TMPRSS11E: variants seen among roughly 807,000 people sequenced by gnomAD.
TMPRSS11E encodes the protein transmembrane serine protease 11E.
Under a neutral mutation model 48.1 loss-of-function variants are expected in TMPRSS11E, and 38 were observed. The observed-to-expected ratio is 0.79, with a 90% CI of 0.61 to 1.04. The LOEUF (loss-of-function observed/expected upper bound fraction) is 1.04. Ranked by LOEUF, TMPRSS11E falls within the 50% of genes least tolerant of loss-of-function variation. The probability of loss-of-function intolerance (pLI) is 0.00; values close to 1 mark genes in which losing one functional copy is unlikely to be tolerated. For missense variants in TMPRSS11E, 530 were observed against 510.8 expected (o/e 1.04, Z -0.36); for synonymous variants, 158 against 171.9 (o/e 0.92, Z 0.63).
At chr4:68,492,785 A>G (rs1729766038) in intron 9 of TMPRSS11E, among the ~76,000 whole-genome samples, 1 of 152,198 alleles carries the variant, frequency 6.6e-6, no homozygotes, top group Non-Finnish European at 1.5e-5. Flanking sequence ...ACAAGGACTC[A>G]ACAGTCATTA....
At chr4:68,460,905 G>T (rs1487778514) in intron 1 of TMPRSS11E, among the ~76,000 whole-genome samples, 3 of 146,608 alleles carry the variant, frequency 2.0e-5, no homozygotes, top group African/African-American at 7.5e-5. Context: ...TTTTAAGACG[G>T]AGTCTCGCTC....
At chr4:68,488,025 T>C (rs1729611130) in intron 9 of TMPRSS11E, among the ~76,000 whole-genome samples, 1 of 151,452 alleles carries the variant, frequency 6.6e-6, no homozygotes, top group Admixed American at 6.6e-5. Flanking sequence ...CTGCTGAAGG[T>C]TCTGCTGTTA....
intron 2 of TMPRSS11E, 110 bp downstream of exon 2, chr4:68,462,055 T>C: frequency 4.4e-6 from 6 of 1,363,080 alleles, no homozygotes; most frequent in Non-Finnish European, 6.1e-6. Flanking sequence ...TTCATTTGCA[T>C]AGCCTGTACA....
intron 9 of TMPRSS11E, among the ~76,000 whole-genome samples, chr4:68,482,051 C>G (rs1729416125): frequency 6.6e-6 from 1 of 152,146 alleles, no homozygotes; most frequent in South Asian, 2.1e-4. Context: ...TTATGGGCAG[C>G]ATGGTGCTGG....
intron 1 of TMPRSS11E, 102 bp downstream of exon 1, chr4:68,447,625 T>C: frequency 1.2e-6 from 1 of 830,554 alleles, no homozygotes; most frequent in Non-Finnish European, 1.8e-6. Context: ...GTTTATTATT[T>C]TTTTAAATAT....
chr4:68,463,167 T>G (rs915935128), intron 2 of TMPRSS11E, among the ~76,000 whole-genome samples: 5 of 152,184 alleles, frequency 3.3e-5, no homozygotes, highest in Non-Finnish European at 7.3e-5. Flanking sequence ...TAATCTCAAT[T>G]TACAAAGCAA....
intron 8 of TMPRSS11E, among the ~76,000 whole-genome samples, chr4:68,478,310 A>T (rs1198420495): frequency 6.7e-6 from 1 of 150,054 alleles, no homozygotes; most frequent in African/African-American, 2.5e-5. Flanking sequence ...TGCCCGCCTA[A>T]TTTTTCCATT....
At chr4:68,483,469 A>G (rs1729466447) in intron 9 of TMPRSS11E, among the ~76,000 whole-genome samples, 1 of 152,160 alleles carries the variant, frequency 6.6e-6, no homozygotes, top group African/African-American at 2.4e-5. Context: ...CCCATTTTAA[A>G]AGGGAGTTGT....
chr4:68,472,376 C>A (rs1227578041), intron 5 of TMPRSS11E, among the ~76,000 whole-genome samples: 1 of 151,832 alleles, frequency 6.6e-6, no homozygotes, highest in African/African-American at 2.4e-5. Flanking sequence ...ATATTCAACC[C>A]AATATGTCCA....
At chr4:68,484,355 G>A (rs1317939728) in intron 9 of TMPRSS11E, among the ~76,000 whole-genome samples, 1 of 152,078 alleles carries the variant, frequency 6.6e-6, no homozygotes, top group Non-Finnish European at 1.5e-5. Context: ...TGACCAGGCT[G>A]GAGTGCAGTG....
intron 1 of TMPRSS11E, among the ~76,000 whole-genome samples, chr4:68,460,264 T>C (rs932736497): frequency 3.9e-5 from 6 of 152,140 alleles, no homozygotes; most frequent in Admixed American, 6.5e-5. Context: ...CTAATGATGG[T>C]GTGACAGGGG....
At position 68,471,501 on chromosome 4, in the gene TMPRSS11E, GTA is replaced by G; in HGVS notation, c.369_370del (p.Cys123TrpfsTer6). 1 of 1,594,228 alleles carries G rather than the reference GTA, an allele frequency of 6.3e-7. No individual in the cohort carries two copies. Among genetic ancestry groups the G allele is most frequent in the Non-Finnish European group, 8.5e-7 (1 of 1,171,828 alleles). ...GTGTTGGCTCATATGCTGTTGATTTGTAGATTTCACTCTACTGAGGATCCTGA... is the reference window on the plus strand; with the variant it reads ...GTGTTGGCTCATATGCTGTTGATTTGGATTTCACTCTACTGAGGATCCTGA... On this transcript the variant is annotated frameshift_variant, in exon 5 of 10. Coordinates refer to ENST00000305363, the MANE Select transcript of TMPRSS11E (RefSeq NM_014058.4). LOFTEE classifies it high-confidence loss of function.
At chr4:68,482,701 G>T (rs976481541) in intron 9 of TMPRSS11E, among the ~76,000 whole-genome samples, 2 of 151,892 alleles carry the variant, frequency 1.3e-5, no homozygotes, top group Non-Finnish European at 2.9e-5. Context: ...GATCGTGGGA[G>T]GTTTAGGCTG....
intron 9 of TMPRSS11E, among the ~76,000 whole-genome samples, chr4:68,485,150 CT>C (rs1196581746): frequency 6.6e-6 from 1 of 151,600 alleles, no homozygotes; most frequent in Non-Finnish European, 1.5e-5. Flanking sequence ...AGGTTTTTTT[CT>C]TTTTTTTCTT....
intron 9 of TMPRSS11E, among the ~76,000 whole-genome samples, chr4:68,487,311 GGT>G (rs1729581986): frequency 1.3e-5 from 2 of 151,780 alleles, no homozygotes; most frequent in East Asian, 1.9e-4. Context: ...GGAGTGCAAA[GGT>G]GCAATCTGAG....
At chr4:68,466,909 A>G (rs537681874) in intron 3 of TMPRSS11E, among the ~76,000 whole-genome samples, 157 bp downstream of exon 3, 2 of 152,256 alleles carry the variant, frequency 1.3e-5, no homozygotes, top group South Asian at 2.1e-4. Flanking sequence ...CAAAATGGAC[A>G]ATACATCACT....
chr4:68,486,990 C>T (rs1393619983), intron 9 of TMPRSS11E, among the ~76,000 whole-genome samples: 10 of 152,032 alleles, frequency 6.6e-5, no homozygotes, highest in Admixed American at 3.3e-4. Context: ...TTTCCTTATG[C>T]CTTTACTTTG....
At chr4:68,474,543 C>A (rs762309832) in intron 5 of TMPRSS11E, among the ~76,000 whole-genome samples, 180 bp from the exon 6 acceptor site, 1 of 152,046 alleles carries the variant, frequency 6.6e-6, no homozygotes, top group Non-Finnish European at 1.5e-5. Flanking sequence ...TTTAACACAC[C>A]GTTCACATTC....
chr4:68,452,106 A>G (rs1288809906), intron 1 of TMPRSS11E, among the ~76,000 whole-genome samples: 1 of 151,944 alleles, frequency 6.6e-6, no homozygotes, highest in Non-Finnish European at 1.5e-5. Flanking sequence ...CAAAGATGAG[A>G]TAATTTGCAT....
Sources: gnomAD v4.1 joint callset for allele counts (sites outside exome capture counted in the v4.1 genomes callset) on GRCh38, gnomAD v4.1.1 for gene constraint, MANE v1.5 for transcripts, NCBI Gene and HGNC (gene_info 2026-07-23, HGNC 2026-07-21) for gene names.